The following DIP2C variants were observed in gnomAD, a reference collection of about 807,000 sequenced individuals.
DIP2C encodes disco-interacting protein 2 homolog C.
A neutral mutation model predicts 192.4 loss-of-function variants in DIP2C; 33 were observed. That is an observed-to-expected ratio of 0.17 (90% confidence interval 0.13 to 0.23). The LOEUF is 0.23. Among genes scored for constraint, DIP2C ranks in the 10% least tolerant of loss-of-function variants. The pLI is 1.00. For missense variants in DIP2C, 1,537 were observed against 2,110.1 expected, an observed-to-expected ratio of 0.73 and a Z score of 5.32; for synonymous variants, 979 against 864.1, an observed-to-expected ratio of 1.13 and a Z score of -2.33.
At chr10:421,577 G>T (rs958108065) in intron 5 of DIP2C, among the ~76,000 whole-genome samples, 1 of 152,260 alleles carries the variant, frequency 6.6e-6, no homozygotes, top group South Asian at 2.1e-4. Context: ...GTGATTTCAA[G>T]TACAGGTTAT....
In DIP2C at chr10:545,166, C is replaced by CCTTT. The variant is rs1554896881; in HGVS notation, c.86-58637_86-58636insAAAG. On this transcript the variant is annotated intron_variant, in intron 1 of 36. Transcript: ENST00000280886. ...TGATCCAACATGACTGGTGTTTTCC[C>CCTTT]TTTTTTTTTTTTTTTTTTTTTTTGA... 4.8e-3 allele frequency among the ~76,000 whole-genome samples: 412 copies of CCTTT among 86,336 alleles called. 16 individuals carry two copies. Among genetic ancestry groups the CCTTT allele is most frequent in the African/African-American group, 0.022 (389 of 17,596 alleles). The allele number at this position is 86,336 out of a possible 152,430, so 56.6% of individuals were successfully genotyped here.
At chr10:615,251 T>C (rs1475267159) in intron 1 of DIP2C, among the ~76,000 whole-genome samples, 1 of 152,110 alleles carries the variant, frequency 6.6e-6, no homozygotes, top group Non-Finnish European at 1.5e-5. Flanking sequence ...TGTTTCCCTG[T>C]AGGAAAATCA....
chr10:586,475 C>G (rs983091382), intron 1 of DIP2C, among the ~76,000 whole-genome samples: 1 of 128,104 alleles, frequency 7.8e-6, no homozygotes. Flanking sequence ...GAGGCCACCC[C>G]AGGCAGACCA....
rs1965035843 is a variant in DIP2C, at chr10:409,423, C to CA, written c.1058-407dup. Among the ~76,000 whole-genome samples the CA allele has an allele frequency of 2.6e-5, 4 of 152,118 alleles. No individual in the cohort carries two copies. In the South Asian group the frequency reaches 8.3e-4, roughly 32 times the overall value. On this transcript the variant is annotated intron_variant, in intron 8 of 36. Transcript: ENST00000280886. ...CCCTGAGAACCTTCTCCTAGCAGAT[C>CA]AAAGCTTCAAACTCATCCTGAGTCC...
intron 1 of DIP2C, among the ~76,000 whole-genome samples, chr10:513,853 C>T (rs775726061): frequency 7.2e-5 from 11 of 152,184 alleles, no homozygotes; most frequent in Non-Finnish European, 1.5e-5. Context: ...TACAAAAAGA[C>T]ATCTGCAAAC....
rs1397952943 is a variant in DIP2C, at chr10:472,559, A to G, written c.158-10T>C. ...AAAGCTTGGTCCACCCCTGGATTTC[A>G]ATAAAAACAGCAGAGTGAGGTGTGA... is the stretch of plus-strand genomic sequence containing the variant. On this transcript the variant is annotated splice_polypyrimidine_tract_variant and intron_variant, in intron 2 of 36. Transcript: ENST00000280886. The G allele has an allele frequency of 6.2e-7, 1 of 1,611,480 alleles. No individual in the cohort carries two copies. Among genetic ancestry groups the G allele is most frequent in the East Asian group, 2.2e-5 (1 of 44,848 alleles).
At chr10:457,923 C>T (rs565408340) in intron 3 of DIP2C, among the ~76,000 whole-genome samples, 34 of 152,340 alleles carry the variant, frequency 2.2e-4, no homozygotes, top group African/African-American at 8.2e-4. Context: ...GCCTCTCCTC[C>T]CACAGCTGCG....
At chr10:350,453 C>G (rs1424227043) in intron 24 of DIP2C, among the ~76,000 whole-genome samples, 1 of 152,106 alleles carries the variant, frequency 6.6e-6, no homozygotes, top group Non-Finnish European at 1.5e-5. Context: ...CTTTGCAGCA[C>G]TCTCAGATGT....
At chr10:659,135 A>C (rs1003655623) in intron 1 of DIP2C, among the ~76,000 whole-genome samples, 7 of 152,252 alleles carry the variant, frequency 4.6e-5, no homozygotes, top group Admixed American at 4.6e-4. Flanking sequence ...GGCACACACA[A>C]ACATATGTAA....
At chr10:353,709 C>A (rs1001744009) in intron 24 of DIP2C, among the ~76,000 whole-genome samples, 1 of 152,174 alleles carries the variant, frequency 6.6e-6, no homozygotes, top group African/African-American at 2.4e-5. Context: ...TGTGACTACA[C>A]GGCCAGCAAG....
rs146927305 is a variant in DIP2C, at chr10:371,373, T to G, written c.1992-1740A>C. On this transcript the variant is annotated intron_variant, in intron 17 of 36. Transcript: ENST00000280886. Reference sequence around the variant, plus strand: ...ACACAGATGCCCCTGGACTTACAACTTGATAAACCCATTGTAAAGGCGGAA... The same window carrying G: ...ACACAGATGCCCCTGGACTTACAACGTGATAAACCCATTGTAAAGGCGGAA... 4.2e-3 allele frequency among the ~76,000 whole-genome samples: 634 copies of G among 152,306 alleles called. 2 individuals are homozygous for G. Among genetic ancestry groups the G allele is most frequent in the Non-Finnish European group, 5.8e-3 (395 of 68,032 alleles).
At chr10:657,086 T>C (rs886892267) in intron 1 of DIP2C, among the ~76,000 whole-genome samples, 3 of 151,986 alleles carry the variant, frequency 2.0e-5, no homozygotes, top group African/African-American at 7.3e-5. Context: ...GACTTGCCAC[T>C]GGACTTGACA....
chr10:430,576 A>G (rs781642183), intron 4 of DIP2C: 1 of 152,240 alleles, frequency 6.6e-6, no homozygotes, highest in Non-Finnish European at 1.5e-5. Flanking sequence ...TATTTCAAAT[A>G]AAAGTTATCA....
rs1307551369 is a variant in DIP2C, at chr10:274,272, GAATT to G, written c.*3049_*3052del. The stretch of plus-strand genomic sequence containing the variant: ...TTTCACAAAACATTTGTTGCCATAG[GAATT>G]ATTTTTAGCAATAAATGCCCACATC... On this transcript the variant is annotated 3_prime_UTR_variant, in exon 37 of 37. Transcript: ENST00000280886. The G allele has an allele frequency of 6.6e-6, 1 of 152,000 alleles. No homozygotes were observed. The highest frequency in any genetic ancestry group is 2.4e-5 in the African/African-American group (1 of 41,384). The allele number at this position is 152,000 out of a possible 1,614,324, so 9.4% of individuals were successfully genotyped here. A position where few individuals can be genotyped will look rare whatever the true frequency, so the allele number is the denominator to read the frequency against.
chr10:613,182 A>T lies in DIP2C; in HGVS notation c.85+76312T>A, dbSNP rs540351436. 4.0e-4 allele frequency among the ~76,000 whole-genome samples: 61 copies of T among 152,348 alleles called. No individual in the cohort carries two copies. In the South Asian group the frequency reaches 0.011, roughly 28 times the overall value. On this transcript the variant is annotated intron_variant, in intron 1 of 36. Coordinates refer to ENST00000280886, the MANE Select transcript of DIP2C (RefSeq NM_014974.3). ...CAGAGTTCATAACATGTGAATTTTTAAAATTCAGATTTCTAATTTCATCCC... is the reference window on the plus strand; with the variant it reads ...CAGAGTTCATAACATGTGAATTTTTTAAATTCAGATTTCTAATTTCATCCC...
At chr10:610,650 G>GT (rs1371914851) in intron 1 of DIP2C, among the ~76,000 whole-genome samples, 1 of 152,264 alleles carries the variant, frequency 6.6e-6, no homozygotes, top group Non-Finnish European at 1.5e-5. Context: ...GCCAGACATG[G>GT]TGTGGCTGTG....
intron 1 of DIP2C, among the ~76,000 whole-genome samples, chr10:585,485 C>T (rs569201348): frequency 1.1e-4 from 17 of 152,312 alleles, no homozygotes; most frequent in Middle Eastern, 3.4e-3. Context: ...CCGGGAAATC[C>T]GTCTCACCTG....
chr10:634,520 A>T (rs1179720473), intron 1 of DIP2C, among the ~76,000 whole-genome samples: 1 of 152,224 alleles, frequency 6.6e-6, no homozygotes, highest in Admixed American at 6.5e-5. Context: ...CACTGAAATT[A>T]GTTCAACGGC....
At chr10:479,893 G>GTC (rs992765240) in intron 2 of DIP2C, among the ~76,000 whole-genome samples, 8 of 149,330 alleles carry the variant, frequency 5.4e-5, no homozygotes, top group African/African-American at 1.7e-4. Context: ...CTGGATGAGT[G>GTC]TCATCCGCCA....
Sources: allele counts gnomAD v4.1 joint callset (sites outside exome capture counted in the v4.1 genomes callset), GRCh38; gene constraint gnomAD v4.1.1; transcripts MANE v1.5; gene names NCBI Gene and HGNC (gene_info 2026-07-23, HGNC 2026-07-21).